The following GRAMD1B variants were observed in gnomAD, a reference collection of about 807,000 sequenced individuals.
GRAMD1B encodes GRAM domain containing 1B.
In GRAMD1B, 37 loss-of-function variants were observed where a neutral mutation model predicts 99.7. The observed-to-expected ratio is 0.37, with a 90% CI of 0.29 to 0.49. The LOEUF (loss-of-function observed/expected upper bound fraction) is 0.49. GRAMD1B is among the 20% of genes least tolerant of loss of function. The pLI is 0.98. For synonymous variants in GRAMD1B, 427 were observed against 387.6 expected (o/e 1.10, Z -1.19); for missense variants, 888 against 1,009.2 (o/e 0.88, Z 1.63).
intron 1 of GRAMD1B, among the ~76,000 whole-genome samples, chr11:123,463,887 C>G (rs1950546996): frequency 1.3e-5 from 2 of 152,232 alleles, no homozygotes; most frequent in Admixed American, 1.3e-4. Flanking sequence ...GAAGAGCTTT[C>G]TGCTGGGGAA....
rs1955481567 is a variant in GRAMD1B at position 123,625,951 on chromosome 11, A to AGC, written c.*3357_*3358insCG. ...GGCCCAGTGGAAGAGAGAGAGAGAG[A>AGC]GAGAGAGAGAGAGAGAGAGAGAGAG... On this transcript the variant is annotated 3_prime_UTR_variant, in exon 20 of 20. Transcript: ENST00000635736. The AGC allele has an allele frequency of 7.2e-6, 1 of 138,320 alleles. No homozygotes were observed. The highest frequency in any genetic ancestry group is 1.6e-5 in the Non-Finnish European group (1 of 61,188). 8.6% of individuals were successfully genotyped at this position (138,320 alleles called of 1,614,324 possible).
In GRAMD1B at chr11:123,618,638, T is replaced by G. The variant is rs766579722; in HGVS notation, c.2319-55T>G. On this transcript the variant is annotated intron_variant, in intron 17 of 19. Coordinates refer to ENST00000635736, the MANE Select transcript of GRAMD1B (RefSeq NM_001387025.1). ...GCAGCCTCTGGGATGGGGGATGTCC[T>G]AGGCTCAGGTGACATCTCACTGCTG... 6 of 1,005,060 alleles carry G rather than the reference T, an allele frequency of 6.0e-6. No individual in the cohort carries two copies. The Admixed American group carries it at 9.6e-5, about 16-fold the overall frequency. The allele number at this position is 1,005,060 out of a possible 1,614,324, so 62.3% of individuals were successfully genotyped here.
intron 1 of GRAMD1B, among the ~76,000 whole-genome samples, chr11:123,403,745 C>T (rs748419838): frequency 1.1e-4 from 17 of 151,710 alleles, no homozygotes; most frequent in Admixed American, 3.3e-4. Flanking sequence ...GGTTTCGCTA[C>T]GTTGGTGAGG....
chr11:123,436,587 G>A (rs1949169905), intron 1 of GRAMD1B, among the ~76,000 whole-genome samples: 1 of 152,190 alleles, frequency 6.6e-6, no homozygotes, highest in Admixed American at 6.5e-5. Context: ...CGTAGATTCT[G>A]GAGCTTGGGA....
intron 1 of GRAMD1B, among the ~76,000 whole-genome samples, chr11:123,432,741 G>A (rs1245798657): frequency 6.6e-6 from 1 of 152,100 alleles, no homozygotes; most frequent in East Asian, 1.9e-4. Context: ...ATGAGGTTGG[G>A]TGCATAAGAC....
chr11:123,544,456 G>A (rs1290815), intron 2 of GRAMD1B, among the ~76,000 whole-genome samples: 7,922 of 152,210 alleles, frequency 0.052, 270 homozygotes, highest in Non-Finnish European at 0.079. Context: ...GCCAATTGTC[G>A]GTTAGCCTTT....
intron 1 of GRAMD1B, among the ~76,000 whole-genome samples, chr11:123,463,085 C>T (rs988964144): frequency 6.6e-5 from 10 of 152,142 alleles, no homozygotes; most frequent in African/African-American, 1.7e-4. Context: ...CTCGGCTCAC[C>T]GCAACCCCTG....
intron 2 of GRAMD1B, among the ~76,000 whole-genome samples, chr11:123,506,759 TCCCAC>T (rs143953097): frequency 0.074 from 11,210 of 152,106 alleles, 520 homozygotes; most frequent in African/African-American, 0.13. Context: ...TCCCCCTCTC[TCCCAC>T]CCTGTTTTCT....
chr11:123,490,143 G>A (rs1268995209), intron 2 of GRAMD1B, among the ~76,000 whole-genome samples: 5 of 152,218 alleles, frequency 3.3e-5, no homozygotes, highest in Non-Finnish European at 7.3e-5. Context: ...TTGAGAAAAT[G>A]CAAACTTGGA....
At chr11:123,537,591 T>TTATCTTGCATA (rs1944100677) in intron 2 of GRAMD1B, among the ~76,000 whole-genome samples, 2 of 152,224 alleles carry the variant, frequency 1.3e-5, no homozygotes, top group Non-Finnish European at 2.9e-5. Flanking sequence ...TTGCATCTGT[T>TTATCTTGCATA]AACTCTGGCA....
chr11:123,484,751 A>G (rs991405227), intron 2 of GRAMD1B, among the ~76,000 whole-genome samples: 2 of 152,112 alleles, frequency 1.3e-5, no homozygotes, highest in African/African-American at 4.8e-5. Flanking sequence ...CTTTCTTCTC[A>G]TCTTGGCTGC....
chr11:123,622,583 T>C lies in GRAMD1B; in HGVS notation c.2622T>C (p.Asn874=), dbSNP rs767228533. 2.6e-6 allele frequency: 4 copies of C among 1,548,460 alleles called. No homozygotes were observed. Among genetic ancestry groups the C allele is most frequent in the African/African-American group, 1.4e-5 (1 of 72,884 alleles). ...DYTSESEEKR[N]RYH ...CGTCGGAAAGTGAAGAAAAGAGGAA[T>C]CGCTATCATTGACAAGGCAGGAACA... Residue 874 remains asparagine (N), a synonymous_variant, in exon 20 of 20, where the codon AAT becomes AAC. Transcript: ENST00000635736.
intron 8 of GRAMD1B, among the ~76,000 whole-genome samples, chr11:123,601,790 C>T (rs1354053638): frequency 6.6e-6 from 1 of 152,166 alleles, no homozygotes; most frequent in Non-Finnish European, 1.5e-5. Flanking sequence ...GTTTTCAGTT[C>T]ACAGCTGCTG....
chr11:123,493,821 TTGG>T (rs1372046566), intron 2 of GRAMD1B, among the ~76,000 whole-genome samples: 1 of 152,130 alleles, frequency 6.6e-6, no homozygotes, highest in East Asian at 1.9e-4. Flanking sequence ...AGTGGTGCTG[TTGG>T]TGGAGAGGAA....
chr11:123,469,859 T>C (rs1270682481), intron 1 of GRAMD1B, among the ~76,000 whole-genome samples: 1 of 151,284 alleles, frequency 6.6e-6, no homozygotes, highest in Non-Finnish European at 1.5e-5. Context: ...AAATAAACAT[T>C]ATTAACAGTT....
intron 11 of GRAMD1B, among the ~76,000 whole-genome samples, chr11:123,607,153 A>G (rs1952857268): frequency 6.6e-6 from 1 of 152,152 alleles, no homozygotes; most frequent in Non-Finnish European, 1.5e-5. Flanking sequence ...TTAGATTTTA[A>G]CAGAAACGTC....
intron 14 of GRAMD1B, among the ~76,000 whole-genome samples, chr11:123,611,750 G>A (rs951494114): frequency 5.3e-5 from 8 of 152,172 alleles, no homozygotes; most frequent in Non-Finnish European, 1.0e-4. Context: ...TTGTTGAGTT[G>A]GGGAGTGACA....
intron 1 of GRAMD1B, among the ~76,000 whole-genome samples, chr11:123,454,051 G>A (rs1950005358): frequency 6.6e-6 from 1 of 152,252 alleles, no homozygotes; most frequent in South Asian, 2.1e-4. Context: ...GCAGCTGAGT[G>A]TGACTTTTAT....
rs528427607 is a variant in GRAMD1B, at chr11:123,430,705, C to A, written c.-88C>A. 1.7e-6 allele frequency: 1 copy of A among 584,794 alleles called. No homozygotes were observed. Among genetic ancestry groups the A allele is most frequent in the Non-Finnish European group, 3.0e-6 (1 of 331,998 alleles). 36.2% of individuals were successfully genotyped at this position (584,794 alleles called of 1,614,324 possible). On this transcript the variant is annotated 5_prime_UTR_variant, in exon 1 of 20. Transcript: ENST00000635736. ...GGCCCCAGGATTGGGGAGTGTGCCG[C>A]GGGGCCGAGGGTGGGGAACAGCCAG...
Sources: allele counts gnomAD v4.1 joint callset (sites outside exome capture counted in the v4.1 genomes callset), GRCh38; gene constraint gnomAD v4.1.1; transcripts MANE v1.5; gene names NCBI Gene and HGNC (gene_info 2026-07-23, HGNC 2026-07-21).